MYO5B: variants seen among roughly 807,000 people sequenced by gnomAD.
MYO5B encodes myosin VB, also known as unconventional myosin-Vb.
MYO5B carries 143 observed loss-of-function variants against 229.3 expected under a neutral mutation model. The observed-to-expected ratio is 0.62, with a 90% CI of 0.54 to 0.72. The LOEUF is 0.72. Among genes scored for constraint, MYO5B ranks in the 30% least tolerant of loss-of-function variants. The probability of loss-of-function intolerance (pLI) is 0.00; values close to 1 mark genes in which losing one functional copy is unlikely to be tolerated. For missense variants in MYO5B, 2,321 were observed against 2,331.0 expected (o/e 1.00, Z 0.09); for synonymous variants, 918 against 885.2 (o/e 1.04, Z -0.66).
At chr18:49,998,472 G>A (rs184189395) in intron 5 of MYO5B, among the ~76,000 whole-genome samples, 125 of 152,230 alleles carry the variant, frequency 8.2e-4, no homozygotes, top group Non-Finnish European at 1.2e-3. Flanking sequence ...AGCACCCTGC[G>A]TTCCCACAGC....
chr18:49,835,340 T>G lies in MYO5B; in HGVS notation c.5394+4A>C, dbSNP rs780217479. 2 of 1,600,974 alleles carry G rather than the reference T, an allele frequency of 1.2e-6. No homozygotes were observed. Among genetic ancestry groups the G allele is most frequent in the South Asian group, 2.2e-5 (2 of 90,768 alleles). On this transcript the variant is annotated splice_donor_region_variant and intron_variant, in intron 39 of 39. Transcript: ENST00000285039. ...CTTTATAAAATTACTATCTTAAAAC[T>G]CACCTGGATTGTTCGTATAAAGGCC...
chr18:49,843,423 T>G, intron 33 of MYO5B, 31 bp from the exon 34 acceptor site: 5 of 1,613,542 alleles, frequency 3.1e-6, no homozygotes, highest in Non-Finnish European at 3.4e-6. Flanking sequence ...AAATGGCAAG[T>G]TAGATCTATG....
At chr18:50,000,036 G>C (rs2026028891) in intron 5 of MYO5B, among the ~76,000 whole-genome samples, 1 of 152,208 alleles carries the variant, frequency 6.6e-6, no homozygotes, top group Non-Finnish European at 1.5e-5. Flanking sequence ...CTGTTACTTA[G>C]CAGAGAATTA....
At chr18:49,891,343 C>T (rs1197242519) in intron 22 of MYO5B, among the ~76,000 whole-genome samples, 2 of 152,224 alleles carry the variant, frequency 1.3e-5, no homozygotes, top group East Asian at 1.9e-4. Context: ...CCTCCATCCC[C>T]TTTACTCTGC....
intron 4 of MYO5B, among the ~76,000 whole-genome samples, chr18:50,025,948 T>G (rs2026326324): frequency 6.6e-6 from 1 of 152,250 alleles, no homozygotes; most frequent in Non-Finnish European, 1.5e-5. Context: ...AATTGTTTTC[T>G]GTGACACTGT....
At chr18:50,053,352 C>T (rs1453649588) in intron 2 of MYO5B, among the ~76,000 whole-genome samples, 2 of 152,170 alleles carry the variant, frequency 1.3e-5, no homozygotes, top group South Asian at 4.2e-4. Flanking sequence ...GGGCCAAATT[C>T]GTTTTCAGCA....
intron 12 of MYO5B, among the ~76,000 whole-genome samples, chr18:49,958,717 C>G (rs1232054892): frequency 2.0e-5 from 3 of 152,186 alleles, no homozygotes; most frequent in Non-Finnish European, 4.4e-5. Flanking sequence ...CTGCTCTCCT[C>G]AAATTACTGA....
At chr18:50,155,894 C>T (rs995522444) in intron 1 of MYO5B, among the ~76,000 whole-genome samples, 9 of 152,180 alleles carry the variant, frequency 5.9e-5, no homozygotes. Context: ...CAAAAGTTAA[C>T]TTCAAGTCCT....
intron 28 of MYO5B, 59 bp downstream of exon 28, chr18:49,864,082 C>G: frequency 6.3e-7 from 1 of 1,591,868 alleles, no homozygotes; most frequent in South Asian, 1.1e-5. Flanking sequence ...TAAAAAAACA[C>G]TAATCTACCA....
At chr18:50,063,937 G>C (rs1203098907) in intron 1 of MYO5B, 2 of 152,418 alleles carry the variant, frequency 1.3e-5, no homozygotes, top group Non-Finnish European at 2.9e-5. Flanking sequence ...GTCCTCAGGT[G>C]ATGAACTGAC....
chr18:49,929,607 G>GTAT lies in MYO5B; in HGVS notation c.2004-10_2004-9insATA. On this transcript the variant is annotated splice_polypyrimidine_tract_variant and intron_variant, in intron 16 of 39. Transcript: ENST00000285039. ...CTCTCTTTGGGTCAAAGCTGCCAAAGGAGAAAAAAAAAAAAAAAAGCAAGA... is the reference window on the plus strand; with the variant it reads ...CTCTCTTTGGGTCAAAGCTGCCAAAGTATGAGAAAAAAAAAAAAAAAAGCAAGA... The GTAT allele has an allele frequency of 7.0e-7, 1 of 1,435,448 alleles. No homozygotes were observed. Among genetic ancestry groups the GTAT allele is most frequent in the Non-Finnish European group, 9.1e-7 (1 of 1,099,520 alleles). 88.9% of individuals were successfully genotyped at this position (1,435,448 alleles called of 1,614,324 possible).
intron 1 of MYO5B, among the ~76,000 whole-genome samples, chr18:50,057,468 T>C (rs2144421356): frequency 6.6e-6 from 1 of 152,260 alleles, no homozygotes; most frequent in South Asian, 2.1e-4. Flanking sequence ...GGTGATGTTG[T>C]GTAGATCCTG....
chr18:49,996,280 C>T (rs983356806), intron 5 of MYO5B, among the ~76,000 whole-genome samples: 1 of 152,190 alleles, frequency 6.6e-6, no homozygotes, highest in African/African-American at 2.4e-5. Context: ...TCTAGTAAAA[C>T]TGAACATGCA....
At position 49,912,065 on chromosome 18, in the gene MYO5B, G is replaced by C. The variant is rs879232722; in HGVS notation, c.2199C>G (p.Ile733Met). 2 of 1,613,660 alleles carry C rather than the reference G, an allele frequency of 1.2e-6. No individual in the cohort carries two copies. Among genetic ancestry groups the C allele is most frequent in the Non-Finnish European group, 1.7e-6 (2 of 1,179,562 alleles). ...GGAGCTGGGCTGTGTGGCTCACCTTGATGAGGTTCTCCAGGACAGACCTGC... is the reference window on the plus strand; with the variant it reads ...GGAGCTGGGCTGTGTGGCTCACCTTCATGAGGTTCTCCAGGACAGACCTGC... ...AICRSVLENL[I>M]KDPDKFQFGR... Residue 733 changes from isoleucine to methionine, a missense_variant, in exon 18 of 40, where the codon ATC becomes ATG. Physicochemically the swap from Ile to Met is conservative, Grantham distance 10. This residue lies in a region of MYO5B where 2,113 missense variants were observed against 2,044.7 expected (regional missense o/e 1.03). Coordinates refer to ENST00000285039, the MANE Select transcript of MYO5B (RefSeq NM_001080467.3).
intron 14 of MYO5B, among the ~76,000 whole-genome samples, chr18:49,952,812 A>G (rs1274028759): frequency 6.6e-6 from 1 of 151,990 alleles, no homozygotes; most frequent in African/African-American, 2.4e-5. Context: ...GAGGTTCTAT[A>G]GACTGCTGAA....
At chr18:49,904,881 G>C (rs2024882589) in intron 19 of MYO5B, 53 bp from the exon 20 acceptor site, 1 of 1,597,906 alleles carries the variant, frequency 6.3e-7, no homozygotes, top group African/African-American at 1.3e-5. Context: ...TGACCGCCCT[G>C]ATGCAGAGAA....
At chr18:49,891,815 A>C (rs2144125504) in intron 22 of MYO5B, among the ~76,000 whole-genome samples, 1 of 152,368 alleles carries the variant, frequency 6.6e-6, no homozygotes, top group Middle Eastern at 3.4e-3. Flanking sequence ...TACCCAAGGC[A>C]ATCAACTAGT....
chr18:50,067,516 A>C (rs75681161), intron 1 of MYO5B, among the ~76,000 whole-genome samples: 2 of 152,094 alleles, frequency 1.3e-5, no homozygotes. Context: ...TCAATCCCCA[A>C]TATTGGAGAT....
intron 9 of MYO5B, among the ~76,000 whole-genome samples, chr18:49,977,937 G>GT (rs1293949632): frequency 7.2e-5 from 11 of 152,172 alleles, no homozygotes; most frequent in African/African-American, 1.9e-4. Context: ...CACACTTGCC[G>GT]TAAGTCACAC....
Sources: allele counts gnomAD v4.1 joint callset (sites outside exome capture counted in the v4.1 genomes callset), GRCh38; gene constraint gnomAD v4.1.1; regional missense constraint gnomAD v4.1.1; transcripts MANE v1.5; gene names NCBI Gene and HGNC (gene_info 2026-07-23, HGNC 2026-07-21).